Variants in TCTN3 observed in about 807,000 individuals in gnomAD.
TCTN3 encodes the protein tectonic family member 3.
TCTN3 carries 57 observed loss-of-function variants against 71.3 expected under a neutral mutation model. The ratio of observed to expected loss-of-function variants is 0.80; its 90% CI spans 0.65 to 1.00. TCTN3 has a LOEUF of 1.00. TCTN3 is among the 50% of genes least tolerant of loss of function. TCTN3 has a pLI of 0.00. For synonymous variants in TCTN3, 258 were observed against 267.8 expected (o/e 0.96, Z 0.36); for missense variants, 696 against 719.9 (o/e 0.97, Z 0.38).
intron 13 of TCTN3, among the ~76,000 whole-genome samples, chr10:95,678,195 A>T (rs1193247269): frequency 6.6e-6 from 1 of 152,194 alleles, no homozygotes; most frequent in Non-Finnish European, 1.5e-5. Context: ...TGGAAGATGT[A>T]CACTAGCTTT....
chr10:95,683,465 G>A (rs1409962536), intron 10 of TCTN3, 57 bp downstream of exon 10: 1 of 1,613,660 alleles, frequency 6.2e-7, no homozygotes. Context: ...AAGTTTGAAA[G>A]CCTTTGCAGC....
In TCTN3 at chr10:95,684,539, G is replaced by A. The variant is rs2097946381; in HGVS notation, c.1055C>T (p.Pro352Leu). The A allele has an allele frequency of 6.2e-7, 1 of 1,613,928 alleles. No individual in the cohort carries two copies. ...GAAGTGTTGCTGTAAGGAAGCGCCT[G>A]GCTCAACAGTCAGGTTGGTTTGTCC... ...SLGQTNLTVE[P>L]GASLQQHFIL... Residue 352 changes from proline to leucine, a missense_variant, in exon 9 of 14, where the codon CCA becomes CTA. Coordinates refer to ENST00000371217, the MANE Select transcript of TCTN3 (RefSeq NM_015631.6).
intron 7 of TCTN3, 117 bp downstream of exon 7, chr10:95,686,378 T>TA: frequency 5.6e-6 from 6 of 1,075,100 alleles, no homozygotes; most frequent in Non-Finnish European, 8.6e-6. Flanking sequence ...CCTACTTAAT[T>TA]GTTTGCTACA....
intron 3 of TCTN3, among the ~76,000 whole-genome samples, chr10:95,692,072 G>A (rs1261191858): frequency 6.6e-6 from 1 of 152,202 alleles, no homozygotes; most frequent in Non-Finnish European, 1.5e-5. Flanking sequence ...AGGCACTGGG[G>A]ATTCAGTTAG....
At position 95,692,919 on chromosome 10, in the gene TCTN3, CA is replaced by C; in HGVS notation, c.499del (p.Ser167GlnfsTer3). On this transcript the variant is annotated frameshift_variant and splice_region_variant, in exon 3 of 14. Coordinates refer to ENST00000371217, the MANE Select transcript of TCTN3 (RefSeq NM_015631.6). LOFTEE classifies it high-confidence loss of function. Reference protein sequence around the residue: ...IRQFCVHVNNSNLNYFQKLQK... With the variant: ...IRQFCVHVNNXNLNYFQKLQK... ...AGAACAACCAACATGTTTCTACTCA[CA>C]GTTGTTCACATGGACACAAAACTGC... 6.2e-7 allele frequency: 1 copy of C among 1,601,750 alleles called. No individual in the cohort carries two copies. Among genetic ancestry groups the C allele is most frequent in the Non-Finnish European group, 8.6e-7 (1 of 1,168,750 alleles).
Position 95,682,573 on chromosome 10 carries a change from C to T in TCTN3, c.1452+78G>A, listed in dbSNP as rs561572759. The stretch of plus-strand genomic sequence containing the variant: ...AAATGCATTATCTATGGAGACAAGG[C>T]TGGTTTTAAACTTACTATCCAAGAT... On this transcript the variant is annotated intron_variant, in intron 12 of 13. Transcript: ENST00000371217. The T allele has an allele frequency of 2.7e-6, 4 of 1,491,354 alleles. No homozygotes were observed. The East Asian group carries it at 6.9e-5, about 26-fold the overall frequency. The allele number at this position is 1,491,354 out of a possible 1,614,324, so 92.4% of individuals were successfully genotyped here.
rs1035897624 is a variant in TCTN3, at chr10:95,679,741, G to A, written c.1590+731C>T. 4.6e-5 allele frequency among the ~76,000 whole-genome samples: 7 copies of A among 151,412 alleles called. No homozygotes were observed. In the East Asian group the frequency reaches 1.4e-3, roughly 29 times the overall value. ...CAAGTAGCTAGGACTACAGGCGCCCGCCACTACGCCCGGCTATTTTTTGTA... is the reference window on the plus strand; with the variant it reads ...CAAGTAGCTAGGACTACAGGCGCCCACCACTACGCCCGGCTATTTTTTGTA... On this transcript the variant is annotated intron_variant, in intron 13 of 13. Transcript: ENST00000371217.
At chr10:95,687,409 A>C in intron 4 of TCTN3, 54 bp from the exon 5 acceptor site, 1 of 1,537,268 alleles carries the variant, frequency 6.5e-7, no homozygotes, top group South Asian at 1.2e-5. Flanking sequence ...CTAAACTACA[A>C]CAGAAAAGAA....
intron 13 of TCTN3, among the ~76,000 whole-genome samples, chr10:95,666,645 G>A (rs1476506593): frequency 1.3e-5 from 2 of 152,316 alleles, no homozygotes; most frequent in East Asian, 3.9e-4. Context: ...TATACTGGCT[G>A]AAATGGTGAG....
At chr10:95,670,370 T>C (rs1388708745) in intron 13 of TCTN3, among the ~76,000 whole-genome samples, 1 of 149,212 alleles carries the variant, frequency 6.7e-6, no homozygotes, top group East Asian at 2.0e-4. Context: ...TTTTTATTTA[T>C]TTATTAAGAC....
Position 95,687,258 on chromosome 10 carries a change from C to T in TCTN3, c.725G>A (p.Ser242Asn). Residue 242 changes from serine (S) to asparagine (N), a missense_variant, in exon 5 of 14, where the codon AGC becomes AAC. Physicochemically the swap from Ser to Asn is conservative, Grantham distance 46. Coordinates refer to ENST00000371217, the MANE Select transcript of TCTN3 (RefSeq NM_015631.6). ...GVGAGGLCAE[S>N]NPAGFLESKS... The stretch of plus-strand genomic sequence containing the variant: ...TGCTCTGGATTCACCTGCAGGATTG[C>T]TTTCAGCACAGAGTCCCCCAGCTCC... 1 of 1,614,038 alleles carries T rather than the reference C, an allele frequency of 6.2e-7. No individual in the cohort carries two copies. The highest frequency in any genetic ancestry group is 8.5e-7 in the Non-Finnish European group (1 of 1,179,958).
intron 13 of TCTN3, among the ~76,000 whole-genome samples, chr10:95,679,265 G>T (rs1245597530): frequency 6.6e-6 from 1 of 152,224 alleles, no homozygotes; most frequent in Non-Finnish European, 1.5e-5. Context: ...GAAATACACA[G>T]TGAACAGTCC....
chr10:95,682,803 A>G lies in TCTN3; in HGVS notation c.1300T>C (p.Leu434=). 6.2e-7 allele frequency: 1 copy of G among 1,613,542 alleles called. No individual in the cohort carries two copies. Among genetic ancestry groups the G allele is most frequent in the Non-Finnish European group, 8.5e-7 (1 of 1,179,806 alleles). ...AAGTGGCTGCAGTCTGCCTTCTTCA[A>G]CCTATAATTAAACACCATGGAGGCT... ...VNAISGCKLR[L]KKADCSHLQQ... Residue 434 remains leucine, a splice_region_variant and synonymous_variant, in exon 12 of 14, where the codon TTG becomes CTG. Coordinates refer to ENST00000371217, the MANE Select transcript of TCTN3 (RefSeq NM_015631.6).
In TCTN3 at chr10:95,687,040, C is replaced by T. The variant is rs2139748541; in HGVS notation, c.852+4G>A. 5.6e-6 allele frequency: 9 copies of T among 1,608,062 alleles called. No individual in the cohort carries two copies. Among genetic ancestry groups the T allele is most frequent in the Middle Eastern group, 3.3e-4 (2 of 6,050 alleles). On this transcript the variant is annotated splice_donor_region_variant and intron_variant, in intron 6 of 13. Coordinates refer to ENST00000371217, the MANE Select transcript of TCTN3 (RefSeq NM_015631.6). ...GACAGTGTAGGGAGAGAAAGGACAC[C>T]TACCTTTAAGACTGTGAAGTTATAG...
At chr10:95,672,473 A>C (rs541334258) in intron 13 of TCTN3, among the ~76,000 whole-genome samples, 161 of 152,192 alleles carry the variant, frequency 1.1e-3, no homozygotes, top group African/African-American at 3.6e-3. Context: ...AGTTTAGACC[A>C]ATTTTCTTAT....
intron 13 of TCTN3, among the ~76,000 whole-genome samples, chr10:95,665,448 T>C (rs2097924809): frequency 6.6e-6 from 1 of 152,032 alleles, no homozygotes; most frequent in African/African-American, 2.4e-5. Flanking sequence ...CTAGCTAATT[T>C]TTTTGTATTT....
intron 7 of TCTN3, among the ~76,000 whole-genome samples, chr10:95,685,843 A>G (rs763285256): frequency 7.9e-5 from 12 of 152,256 alleles, no homozygotes; most frequent in Non-Finnish European, 1.6e-4. Context: ...TAGTTCTATT[A>G]AATATAAAAC....
At chr10:95,675,754 C>T (rs2097936390) in intron 13 of TCTN3, among the ~76,000 whole-genome samples, 2 of 152,210 alleles carry the variant, frequency 1.3e-5, no homozygotes, top group African/African-American at 2.4e-5. Flanking sequence ...TCTTACTAAT[C>T]CTGTCACTTC....
chr10:95,680,341 C>T, intron 13 of TCTN3, 131 bp downstream of exon 13: 1 of 1,198,784 alleles, frequency 8.3e-7, no homozygotes, highest in Non-Finnish European at 1.2e-6. Context: ...TATGTCAGCT[C>T]ACTTTAAACA....
Sources: gnomAD v4.1 joint callset for allele counts (sites outside exome capture counted in the v4.1 genomes callset) on GRCh38, gnomAD v4.1.1 for gene constraint, MANE v1.5 for transcripts, NCBI Gene and HGNC (gene_info 2026-07-23, HGNC 2026-07-21) for gene names.